The following IL1RL2 variants were observed in gnomAD, a reference collection of about 807,000 sequenced individuals.
IL1RL2 encodes interleukin 1 receptor like 2, also known as interleukin-1 receptor-like 2.
A neutral mutation model predicts 66.8 loss-of-function variants in IL1RL2; 68 were observed. That is an observed-to-expected ratio of 1.02 (90% confidence interval 0.84 to 1.25). IL1RL2 has a LOEUF of 1.25. Ranked by LOEUF, IL1RL2 falls within the 50% of genes most tolerant of loss-of-function variation. The pLI, the probability that IL1RL2 is intolerant of heterozygous loss-of-function variation, is 0.00. For missense variants in IL1RL2, 729 were observed against 709.3 expected (o/e 1.03, Z -0.32); for synonymous variants, 305 against 264.6 (o/e 1.15, Z -1.48).
At chr2:102,212,934 A>T (rs943649242) in intron 6 of IL1RL2, among the ~76,000 whole-genome samples, 2 of 152,198 alleles carry the variant, frequency 1.3e-5, no homozygotes, top group Admixed American at 6.5e-5. Flanking sequence ...GCGCCACTGC[A>T]CTCCAGCGGC....
intron 11 of IL1RL2, 178 bp downstream of exon 11, chr2:102,235,455 C>G (rs1400556543): frequency 1.0e-6 from 1 of 985,476 alleles, no homozygotes; most frequent in African/African-American, 1.7e-5. Context: ...TCGATCAGAG[C>G]TGCTTCTTCA....
rs572243531 is a variant in IL1RL2 at position 102,198,427 on chromosome 2, A to G, written c.490-3129A>G. Among the ~76,000 whole-genome samples, 5 of 152,238 alleles carry G rather than the reference A, an allele frequency of 3.3e-5. No homozygotes were observed. The East Asian group carries it at 7.7e-4, about 23-fold the overall frequency. ...ACCTGGAAAAGTGGTAATGTCCCCA[A>G]TTTTGTTTTTGTTTCAATCCCAAAT... On this transcript the variant is annotated intron_variant, in intron 4 of 11. Transcript: ENST00000264257.
chr2:102,196,719 G>A (rs1687817118), intron 4 of IL1RL2, among the ~76,000 whole-genome samples: 1 of 152,176 alleles, frequency 6.6e-6, no homozygotes, highest in South Asian at 2.1e-4. Flanking sequence ...GGTGGGTACG[G>A]CAAGGAAGGT....
chr2:102,231,146 T>A (rs1217927111), intron 9 of IL1RL2, among the ~76,000 whole-genome samples: 1 of 152,256 alleles, frequency 6.6e-6, no homozygotes, highest in Non-Finnish European at 1.5e-5. Flanking sequence ...CTGGCCCTGC[T>A]GAAGTCCTTA....
In IL1RL2 at chr2:102,189,171, G is replaced by C; in HGVS notation, c.154G>C (p.Val52Leu). The C allele has an allele frequency of 6.2e-7, 1 of 1,614,096 alleles. No individual in the cohort carries two copies. Among genetic ancestry groups the C allele is most frequent in the Non-Finnish European group, 8.5e-7 (1 of 1,179,954 alleles). Residue 52 changes from valine to leucine, a missense_variant, in exon 3 of 12, where the codon GTC becomes CTC. Physicochemically the swap from Val to Leu is conservative, Grantham distance 32. Coordinates refer to ENST00000264257, the MANE Select transcript of IL1RL2 (RefSeq NM_003854.4). ...CTFPPITSGE[V>L]SVTWYKNSSK... Reference sequence around the variant, plus strand: ...ATTCCCTCCCATAACATCTGGGGAAGTCAGTGTAACATGGTATAAAAATTC... The same window carrying C: ...ATTCCCTCCCATAACATCTGGGGAACTCAGTGTAACATGGTATAAAAATTC...
At chr2:102,188,450 C>G (rs1971695) in intron 2 of IL1RL2, among the ~76,000 whole-genome samples, 2 of 151,876 alleles carry the variant, frequency 1.3e-5, no homozygotes, top group Non-Finnish European at 2.9e-5. Context: ...TAGCCGGGCG[C>G]GGTGGCGGGC....
At chr2:102,197,426 G>A (rs2104742460) in intron 4 of IL1RL2, among the ~76,000 whole-genome samples, 1 of 152,348 alleles carries the variant, frequency 6.6e-6, no homozygotes, top group Non-Finnish European at 1.5e-5. Context: ...CAAAAGTAGA[G>A]AGGTCAGGTG....
At chr2:102,207,853 A>G (rs1406854891) in intron 5 of IL1RL2, among the ~76,000 whole-genome samples, 1 of 152,164 alleles carries the variant, frequency 6.6e-6, no homozygotes, top group Non-Finnish European at 1.5e-5. Flanking sequence ...TCTCAAGTTT[A>G]CTTAGAGACC....
chr2:102,234,857 TAA>T, intron 10 of IL1RL2, 38 bp from the exon 11 acceptor site: 1 of 1,570,156 alleles, frequency 6.4e-7, no homozygotes, highest in Non-Finnish European at 8.7e-7. Flanking sequence ...CGGGCTGTTT[TAA>T]TTGTGAGTTC....
At chr2:102,189,837 A>G (rs1210756388) in intron 3 of IL1RL2, among the ~76,000 whole-genome samples, 1 of 152,136 alleles carries the variant, frequency 6.6e-6, no homozygotes, top group Non-Finnish European at 1.5e-5. Context: ...TATTTTTAGT[A>G]GAGATGGGGT....
At chr2:102,189,887 C>T (rs1323993275) in intron 3 of IL1RL2, among the ~76,000 whole-genome samples, 1 of 152,220 alleles carries the variant, frequency 6.6e-6, no homozygotes, top group Non-Finnish European at 1.5e-5. Flanking sequence ...CTACTGAACT[C>T]GTGATCCGCC....
At chr2:102,202,546 A>T (rs1688355126) in intron 5 of IL1RL2, among the ~76,000 whole-genome samples, 1 of 151,956 alleles carries the variant, frequency 6.6e-6, no homozygotes, top group African/African-American at 2.4e-5. Flanking sequence ...TTCATTATAG[A>T]GATCTTTCAC....
At chr2:102,240,166 A>G (rs747899811), downstream of IL1RL2, among the ~76,000 whole-genome samples, 19 of 152,148 alleles carry the variant, frequency 1.2e-4, no homozygotes, top group Non-Finnish European at 2.4e-4. Context: ...GTCCACTGAA[A>G]AGTTGGGCAA....
At chr2:102,189,669 T>C (rs930412812) in intron 3 of IL1RL2, among the ~76,000 whole-genome samples, 2 of 152,164 alleles carry the variant, frequency 1.3e-5, no homozygotes, top group Non-Finnish European at 2.9e-5. Context: ...CAGGCTGGAG[T>C]GCAGTGGCGG....
chr2:102,187,060 T>A lies in IL1RL2; in HGVS notation c.-39T>A. 7.8e-7 allele frequency: 1 copy of A among 1,289,818 alleles called. No homozygotes were observed. Among genetic ancestry groups the A allele is most frequent in the Non-Finnish European group, 1.0e-6 (1 of 988,862 alleles). 79.9% of individuals were successfully genotyped at this position (1,289,818 alleles called of 1,614,324 possible). On this transcript the variant is annotated 5_prime_UTR_variant, in exon 1 of 12. Coordinates refer to ENST00000264257, the MANE Select transcript of IL1RL2 (RefSeq NM_003854.4). Reference sequence around the variant, plus strand: ...GTCATATTTTCCACTCTCCACGAGGTCCTGCGCGCTTCAATCCTGCAGGCA... The same window carrying A: ...GTCATATTTTCCACTCTCCACGAGGACCTGCGCGCTTCAATCCTGCAGGCA...
intron 5 of IL1RL2, among the ~76,000 whole-genome samples, chr2:102,208,685 T>A (rs1022431867): frequency 6.6e-5 from 10 of 152,262 alleles, no homozygotes; most frequent in African/African-American, 2.4e-4. Flanking sequence ...CTGCTGCCTA[T>A]GCAGGACAGG....
At chr2:102,233,738 C>T (rs1674560874) in intron 10 of IL1RL2, among the ~76,000 whole-genome samples, 1 of 152,056 alleles carries the variant, frequency 6.6e-6, no homozygotes, top group African/African-American at 2.4e-5. Context: ...ATGAGAAAAC[C>T]TGAGAAGGGG....
chr2:102,241,284 G>A (rs1436704207), downstream of IL1RL2, among the ~76,000 whole-genome samples: 1 of 152,214 alleles, frequency 6.6e-6, no homozygotes, highest in East Asian at 1.9e-4. Flanking sequence ...GTGGGGATCA[G>A]CAGGCCCTGT....
intron 4 of IL1RL2, among the ~76,000 whole-genome samples, chr2:102,195,482 C>T (rs971588274): frequency 7.9e-5 from 12 of 152,046 alleles, no homozygotes; most frequent in Admixed American, 1.3e-4. Flanking sequence ...TTGCATGCAA[C>T]GTAAATCATA....
Sources: allele counts gnomAD v4.1 joint callset (sites outside exome capture counted in the v4.1 genomes callset), GRCh38; gene constraint gnomAD v4.1.1; transcripts MANE v1.5; gene names NCBI Gene and HGNC (gene_info 2026-07-23, HGNC 2026-07-21).